Variants in HNF4G observed in about 807,000 individuals in gnomAD.
The protein encoded by HNF4G is hepatocyte nuclear factor 4-gamma.
A neutral mutation model predicts 50.9 loss-of-function variants in HNF4G; 21 were observed. That is an observed-to-expected ratio of 0.41 (90% CI 0.29 to 0.59). HNF4G has a LOEUF of 0.59. HNF4G is among the 20% of genes least tolerant of loss of function. The pLI, the probability that HNF4G is intolerant of heterozygous loss-of-function variation, is 0.26. For synonymous variants in HNF4G, 198 were observed against 185.6 expected, an observed-to-expected ratio of 1.07 and a Z score of -0.54; for missense variants, 527 against 559.4, an observed-to-expected ratio of 0.94 and a Z score of 0.58.
intron 2 of HNF4G, among the ~76,000 whole-genome samples, chr8:75,532,567 G>A (rs980550800): frequency 5.3e-5 from 8 of 152,032 alleles, no homozygotes; most frequent in Non-Finnish European, 8.8e-5. Context: ...TACACCTAGA[G>A]TGGAAGTGAA....
At chr8:75,416,036 A>T (rs1480867335) in intron 1 of HNF4G, among the ~76,000 whole-genome samples, 1 of 152,080 alleles carries the variant, frequency 6.6e-6, no homozygotes, top group African/African-American at 2.4e-5. Flanking sequence ...GATTCTGTGA[A>T]TTTTTTTTAG....
intron 1 of HNF4G, among the ~76,000 whole-genome samples, chr8:75,460,630 T>C (rs994667134): frequency 6.6e-6 from 1 of 152,178 alleles, no homozygotes; most frequent in African/African-American, 2.4e-5. Context: ...CTCAGAAGAA[T>C]AGAGAACTTA....
chr8:75,489,242 T>A (rs904649353), intron 1 of HNF4G, among the ~76,000 whole-genome samples: 8 of 152,240 alleles, frequency 5.3e-5, no homozygotes, highest in Non-Finnish European at 1.2e-4. Flanking sequence ...AACTTATTTT[T>A]AAATGTATTA....
chr8:75,439,056 G>A (rs1239781698), intron 1 of HNF4G, among the ~76,000 whole-genome samples: 1 of 151,854 alleles, frequency 6.6e-6, no homozygotes, highest in African/African-American at 2.4e-5. Context: ...CCTAGGCTTG[G>A]ATATTTAGGC....
At chr8:75,416,681 A>C (rs1423540487) in intron 1 of HNF4G, among the ~76,000 whole-genome samples, 1 of 152,208 alleles carries the variant, frequency 6.6e-6, no homozygotes, top group East Asian at 1.9e-4. Context: ...AAACTGCTGA[A>C]GTATTGTACA....
At chr8:75,414,183 C>G (rs1017890163) in intron 1 of HNF4G, among the ~76,000 whole-genome samples, 1 of 152,044 alleles carries the variant, frequency 6.6e-6, no homozygotes, top group Non-Finnish European at 1.5e-5. Context: ...CCCTCCACTA[C>G]ACCCCAGGCA....
At chr8:75,512,526 G>T (rs1805784416) in intron 2 of HNF4G, among the ~76,000 whole-genome samples, 1 of 151,548 alleles carries the variant, frequency 6.6e-6, no homozygotes, top group African/African-American at 2.4e-5. Flanking sequence ...GTGCAGTGGT[G>T]CAATCTCAGC....
intron 1 of HNF4G, among the ~76,000 whole-genome samples, chr8:75,411,016 A>G (rs772632523): frequency 1.1e-4 from 17 of 152,180 alleles, no homozygotes; most frequent in South Asian, 4.1e-4. Flanking sequence ...TGCTTTTTAG[A>G]TTCTTATAAC....
intron 1 of HNF4G, among the ~76,000 whole-genome samples, chr8:75,439,316 T>C (rs1811217029): frequency 1.3e-5 from 2 of 152,140 alleles, no homozygotes; most frequent in East Asian, 3.9e-4. Context: ...TAACCTATTT[T>C]AATTTATAGT....
chr8:75,417,119 GCGCA>G (rs1050927844), intron 1 of HNF4G, among the ~76,000 whole-genome samples: 15 of 52,234 alleles, frequency 2.9e-4, no homozygotes, highest in Non-Finnish European at 4.9e-4. Context: ...GCACGCGTGT[GCGCA>G]CACACACACA....
chr8:75,445,854 A>G (rs368128328), intron 1 of HNF4G, among the ~76,000 whole-genome samples: 20 of 112,088 alleles, frequency 1.8e-4, no homozygotes, highest in Admixed American at 6.9e-4. Context: ...CAGAGGTACA[A>G]GGAGGAACTG....
rs11400950 is a variant in HNF4G at position 75,501,856 on chromosome 8, A to AT, written c.-24+11662dup. On this transcript the variant is annotated intron_variant, in intron 2 of 10. Transcript: ENST00000354370. ...TTTTCATGATGAGAATACCTAAAGT[A>AT]TTTTTTTTTTTTTTGAGATGGAGTC... is the stretch of plus-strand genomic sequence containing the variant. Among the ~76,000 whole-genome samples the AT allele has an allele frequency of 6.1e-3, 737 of 120,582 alleles. 2 individuals carry two copies. Among genetic ancestry groups the AT allele is most frequent in the South Asian group, 0.025 (100 of 4,006 alleles). 79.1% of individuals were successfully genotyped at this position (120,582 alleles called of 152,430 possible).
At chr8:75,435,459 T>C (rs1409088986) in intron 1 of HNF4G, among the ~76,000 whole-genome samples, 1 of 152,140 alleles carries the variant, frequency 6.6e-6, no homozygotes, top group Non-Finnish European at 1.5e-5. Context: ...CATTCCATGG[T>C]GAAACATTAA....
Position 75,539,923 on chromosome 8 carries a change from C to CAAG in HNF4G, c.-40_-39insAAG. On this transcript the variant is annotated 5_prime_UTR_variant, in exon 1 of 10. Coordinates refer to ENST00000396423, the MANE Select transcript of HNF4G (RefSeq NM_004133.5). ...CACATCAAAACACTCATCACGCACT[C>CAAG]TGGGCTTGTGGTGCCACTTGTATGT... 6 of 928,726 alleles carry CAAG rather than the reference C, an allele frequency of 6.5e-6. No homozygotes were observed. Among genetic ancestry groups the CAAG allele is most frequent in the Non-Finnish European group, 1.1e-5 (6 of 560,258 alleles). The allele number at this position is 928,726 out of a possible 1,614,324, so 57.5% of individuals were successfully genotyped here.
intron 1 of HNF4G, among the ~76,000 whole-genome samples, chr8:75,412,859 A>G (rs904754628): frequency 6.6e-6 from 1 of 152,174 alleles, no homozygotes; most frequent in African/African-American, 2.4e-5. Context: ...CACTGCAAAC[A>G]GTGATAATCT....
chr8:75,524,857 G>A (rs1806139109), intron 2 of HNF4G, among the ~76,000 whole-genome samples: 1 of 152,148 alleles, frequency 6.6e-6, no homozygotes, highest in African/African-American at 2.4e-5. Context: ...ATAGTATATG[G>A]GTTATTTGAA....
chr8:75,541,199 T>G (rs546638501), intron 1 of HNF4G, among the ~76,000 whole-genome samples: 3 of 152,132 alleles, frequency 2.0e-5, no homozygotes, highest in Non-Finnish European at 4.4e-5. Context: ...GGGACATATT[T>G]GCCATAATCA....
At chr8:75,435,025 A>T (rs531351837) in intron 1 of HNF4G, among the ~76,000 whole-genome samples, 1 of 152,320 alleles carries the variant, frequency 6.6e-6, no homozygotes, top group African/African-American at 2.4e-5. Context: ...TTAACTCTTT[A>T]AAAGAACAGA....
chr8:75,531,925 C>T (rs948433689), intron 2 of HNF4G, among the ~76,000 whole-genome samples: 10 of 152,152 alleles, frequency 6.6e-5, no homozygotes, highest in Admixed American at 5.9e-4. Context: ...TGGAATTTCT[C>T]TTTTATCTCC....
Sources: allele counts gnomAD v4.1 joint callset (sites outside exome capture counted in the v4.1 genomes callset), GRCh38; gene constraint gnomAD v4.1.1; transcripts MANE v1.5; gene names NCBI Gene and HGNC (gene_info 2026-07-23, HGNC 2026-07-21).